The following TF variants were observed in gnomAD, a reference collection of about 807,000 sequenced individuals.
The protein encoded by TF is transferrin, also known as serotransferrin.
Under a neutral mutation model 82.4 loss-of-function variants are expected in TF, and 55 were observed. The ratio of observed to expected loss-of-function variants is 0.67; its 90% CI spans 0.54 to 0.84. TF has a LOEUF of 0.84. TF is among the 40% of genes least tolerant of loss of function. TF has a pLI of 0.00. For missense variants in TF, 737 were observed against 868.4 expected (o/e 0.85, Z 1.90); for synonymous variants, 332 against 332.6 (o/e 1.00, Z 0.02).
Position 133,777,041 on chromosome 3 carries a change from C to G in TF, c.1873-8C>G. 1 of 1,614,096 alleles carries G rather than the reference C, an allele frequency of 6.2e-7. No individual in the cohort carries two copies. The highest frequency in any genetic ancestry group is 8.5e-7 in the Non-Finnish European group (1 of 1,179,968). ...AAGGTCCTCACGGACTTTCTGTTCACTTGACAGCACCTATTTGGAAGCAAC... is the reference window on the plus strand; with the variant it reads ...AAGGTCCTCACGGACTTTCTGTTCAGTTGACAGCACCTATTTGGAAGCAAC... On this transcript the variant is annotated splice_polypyrimidine_tract_variant and splice_region_variant and intron_variant, in intron 15 of 16. Coordinates refer to ENST00000402696, the MANE Select transcript of TF (RefSeq NM_001063.4).
At chr3:133,696,562 C>T in the TF span, among the ~76,000 whole-genome samples, 108 of 152,268 alleles carry the variant, frequency 7.1e-4, 1 homozygote, top group African/African-American at 2.3e-3. Context: ...AACATTTAAA[C>T]AATACTTACC....
chr3:133,673,376 T>C, the TF span, among the ~76,000 whole-genome samples: 17 of 152,296 alleles, frequency 1.1e-4, no homozygotes, highest in East Asian at 3.1e-3. Context: ...CGAAAACCAA[T>C]TGTTTTTTTC....
rs760506747 is a variant in TF at position 133,748,614 on chromosome 3, A to G, written c.216+30A>G. 21 of 1,613,096 alleles carry G rather than the reference A, an allele frequency of 1.3e-5. No homozygotes were observed. The South Asian group carries it at 2.0e-4, about 15-fold the overall frequency. On this transcript the variant is annotated intron_variant, in intron 2 of 16. Transcript: ENST00000402696. ...GTCGCTGCTGCCTAAAAGAGAGTGG[A>G]AGAAAGCCATACTTTCTCTGTTTCC...
chr3:133,743,385 T>C (rs935983420), upstream of TF, among the ~76,000 whole-genome samples: 1 of 152,054 alleles, frequency 6.6e-6, no homozygotes, highest in South Asian at 2.1e-4. Context: ...CCCTGGGGGC[T>C]GTGTGCTTTT....
chr3:133,770,411 C>T (rs961274785), intron 13 of TF, 97 bp from the exon 14 acceptor site: 6 of 1,125,472 alleles, frequency 5.3e-6, no homozygotes, highest in East Asian at 4.7e-5. Flanking sequence ...TTGCTGTTTT[C>T]AGATGGCTGT....
At chr3:133,745,295 G>C (rs548685771), upstream of TF, among the ~76,000 whole-genome samples, 1 of 152,184 alleles carries the variant, frequency 6.6e-6, no homozygotes, top group Non-Finnish European at 1.5e-5. Context: ...GTAACTTTTG[G>C]CAAAATCTCT....
At chr3:133,739,927 A>G in the TF span, among the ~76,000 whole-genome samples, 1 of 152,242 alleles carries the variant, frequency 6.6e-6, no homozygotes, top group Non-Finnish European at 1.5e-5. Flanking sequence ...CAGTGTGGCA[A>G]TTCCTCAAGG....
the TF span, among the ~76,000 whole-genome samples, chr3:133,674,302 G>A: frequency 6.6e-6 from 1 of 152,202 alleles, no homozygotes; most frequent in African/African-American, 2.4e-5. Context: ...GTTGTAAAGC[G>A]GCCAGACTAG....
chr3:133,749,710 T>C (rs1663706925), intron 2 of TF, among the ~76,000 whole-genome samples: 2 of 152,144 alleles, frequency 1.3e-5, no homozygotes, highest in South Asian at 4.1e-4. Context: ...TTTAAGTTGC[T>C]AGTGGGAGGC....
At chr3:133,762,419 C>A (rs1165404090) in intron 9 of TF, 1 of 152,198 alleles carries the variant, frequency 6.6e-6, no homozygotes, top group Non-Finnish European at 1.5e-5. Flanking sequence ...TACAGTCAAC[C>A]GTGGTCCAAA....
intron 1 of TF, among the ~76,000 whole-genome samples, chr3:133,747,616 A>T (rs537888275): frequency 1.3e-5 from 2 of 152,346 alleles, no homozygotes; most frequent in African/African-American, 4.8e-5. Context: ...CATGGATTTT[A>T]ATAGTTACCC....
At position 133,788,237 on chromosome 3, in the gene TF, T is replaced by C. The variant is rs1349237694; in HGVS notation, c.*9617T>C. The C allele has an allele frequency of 2.0e-5, 3 of 152,230 alleles. No individual in the cohort carries two copies. Among genetic ancestry groups the C allele is most frequent in the Non-Finnish European group, 4.4e-5 (3 of 68,048 alleles). The allele number at this position is 152,230 out of a possible 1,614,324, so 9.4% of individuals were successfully genotyped here. A position where few individuals can be genotyped will look rare whatever the true frequency, so the allele number is the denominator to read the frequency against. The stretch of plus-strand genomic sequence containing the variant: ...GACTTTGTAACTTTATTTCATCCTC[T>C]CCATTTACATAGGGCGTACATCAAG... On this transcript the variant is annotated 3_prime_UTR_variant, in exon 17 of 17. Transcript: ENST00000402696.
chr3:133,713,896 T>G, the TF span, among the ~76,000 whole-genome samples: 3 of 152,178 alleles, frequency 2.0e-5, no homozygotes, highest in Admixed American at 2.0e-4. Flanking sequence ...ACATAATACC[T>G]GTCCCTCCCC....
the TF span, among the ~76,000 whole-genome samples, chr3:133,696,977 T>C: frequency 2.0e-5 from 3 of 152,242 alleles, no homozygotes; most frequent in African/African-American, 4.8e-5. Context: ...TTCACTGTGC[T>C]AAGCTCATTT....
intron 9 of TF, chr3:133,761,040 TATC>T (rs766484082): frequency 6.5e-6 from 1 of 153,980 alleles, no homozygotes; most frequent in Non-Finnish European, 1.5e-5. Flanking sequence ...CCAAGGTTGT[TATC>T]ATGGACATCA....
the TF span, among the ~76,000 whole-genome samples, chr3:133,695,075 G>T: frequency 6.6e-6 from 1 of 151,880 alleles, no homozygotes; most frequent in African/African-American, 2.4e-5. Flanking sequence ...TCACCTCTGT[G>T]AGGAAAGACT....
At position 133,793,097 on chromosome 3, in the gene TF, A is replaced by G. The variant is rs1934880760; in HGVS notation, c.*14477A>G. 6.6e-6 allele frequency: 1 copy of G among 152,180 alleles called. No homozygotes were observed. The highest frequency in any genetic ancestry group is 1.5e-5 in the Non-Finnish European group (1 of 68,012). 9.4% of individuals were successfully genotyped at this position (152,180 alleles called of 1,614,324 possible). On this transcript the variant is annotated 3_prime_UTR_variant, in exon 17 of 17. Coordinates refer to ENST00000402696, the MANE Select transcript of TF (RefSeq NM_001063.4). Reference sequence around the variant, plus strand: ...GGTGAAATTTGGCTTTCTCTCTTGAACAAGATTTTCATGCAGTATTAAAAG... The same window carrying G: ...GGTGAAATTTGGCTTTCTCTCTTGAGCAAGATTTTCATGCAGTATTAAAAG...
rs115845336 is a variant in TF at position 133,747,688 on chromosome 3, A to G, written c.44-724A>G. Among the ~76,000 whole-genome samples, 970 of 152,322 alleles carry G rather than the reference A, an allele frequency of 6.4e-3. 7 individuals are homozygous for G. Among genetic ancestry groups the G allele is most frequent in the African/African-American group, 0.022 (902 of 41,578 alleles). Reference sequence around the variant, plus strand: ...AAAAGTGTGGTGAAAATGGAGGGATAGTTCAGTGGAGACAGAGGGGAGACT... The same window carrying G: ...AAAAGTGTGGTGAAAATGGAGGGATGGTTCAGTGGAGACAGAGGGGAGACT... On this transcript the variant is annotated intron_variant, in intron 1 of 16. Coordinates refer to ENST00000402696, the MANE Select transcript of TF (RefSeq NM_001063.4).
At chr3:133,714,714 G>A in the TF span, among the ~76,000 whole-genome samples, 3 of 151,936 alleles carry the variant, frequency 2.0e-5, no homozygotes, top group African/African-American at 4.8e-5. Flanking sequence ...ATGGAGTCTT[G>A]CTCTGTCACC....
Sources: allele counts gnomAD v4.1 joint callset (sites outside exome capture counted in the v4.1 genomes callset), GRCh38; gene constraint gnomAD v4.1.1; transcripts MANE v1.5; gene names NCBI Gene and HGNC (gene_info 2026-07-23, HGNC 2026-07-21).